Variants in RSF1 observed in about 807,000 individuals in gnomAD.
RSF1 encodes HBV pX-associated protein 8.
In RSF1, 13 loss-of-function variants were observed where a neutral mutation model predicts 145.2. The observed-to-expected ratio is 0.09, with a 90% confidence interval of 0.06 to 0.14. RSF1 has a LOEUF of 0.14. Ranked by LOEUF, RSF1 falls within the 10% of genes least tolerant of loss-of-function variation. The pLI is 1.00. For synonymous variants in RSF1, 577 were observed against 592.6 expected (o/e 0.97, Z 0.38); for missense variants, 1,517 against 1,718.2 (o/e 0.88, Z 2.07).
At chr11:77,761,080 G>A (rs568755932) in intron 2 of RSF1, among the ~76,000 whole-genome samples, 1 of 152,112 alleles carries the variant, frequency 6.6e-6, no homozygotes, top group Non-Finnish European at 1.5e-5. Flanking sequence ...GAGTAGCTGG[G>A]CGCTTGCCAC....
At position 77,788,265 on chromosome 11, in the gene RSF1, C is replaced by CA. The variant is rs1253118763; in HGVS notation, c.188-23577dup. 2.1e-4 allele frequency among the ~76,000 whole-genome samples: 20 copies of CA among 96,550 alleles called. 1 individual carries two copies. Among genetic ancestry groups the CA allele is most frequent in the South Asian group, 1.4e-3 (4 of 2,946 alleles). The allele number at this position is 96,550 out of a possible 152,430, so 63.3% of individuals were successfully genotyped here. A position where few individuals can be genotyped will look rare whatever the true frequency, so the allele number is the denominator to read the frequency against. ...CCCAAAGTGAGAAAAACAAAAACAA[C>CA]AAAAAAAATCAAACCTGACCCAGAA... On this transcript the variant is annotated intron_variant, in intron 1 of 15. Transcript: ENST00000308488.
chr11:77,868,696 T>C, the RSF1 span: 1 of 195,988 alleles, frequency 5.1e-6, no homozygotes. Context: ...GTTGTTGTTG[T>C]TGTTTTTTAA....
chr11:77,798,581 TAAAAAAAAAAAAAAAAAA>T (rs543236647), intron 1 of RSF1, among the ~76,000 whole-genome samples: 107 of 24,486 alleles, frequency 4.4e-3, no homozygotes, highest in South Asian at 8.2e-3. Context: ...GACTCCATCT[TAAAAAAAAAAAAAAAAAA>T]AAAAAAAAAA....
At chr11:77,723,400 C>T (rs1231677482) in intron 5 of RSF1, among the ~76,000 whole-genome samples, 1 of 151,552 alleles carries the variant, frequency 6.6e-6, no homozygotes, top group African/African-American at 2.4e-5. Flanking sequence ...GAGTTCTAAG[C>T]TGCAGTGAGC....
intron 1 of RSF1, among the ~76,000 whole-genome samples, chr11:77,818,963 A>G (rs1948808038): frequency 6.6e-6 from 1 of 152,208 alleles, no homozygotes; most frequent in African/African-American, 2.4e-5. Context: ...TGTTACAGGT[A>G]GAGGGAATGT....
intron 4 of RSF1, among the ~76,000 whole-genome samples, chr11:77,736,961 A>G (rs1274502616): frequency 6.6e-6 from 1 of 152,218 alleles, no homozygotes; most frequent in East Asian, 1.9e-4. Flanking sequence ...GCTGTTTAAA[A>G]ATTGAATTTC....
chr11:77,716,750 T>G (rs1243783392), intron 5 of RSF1, among the ~76,000 whole-genome samples: 1 of 152,224 alleles, frequency 6.6e-6, no homozygotes, highest in East Asian at 1.9e-4. Context: ...ACAGGAGACT[T>G]TAAGTGCTCT....
chr11:77,676,948 T>G lies in RSF1; in HGVS notation c.3185A>C (p.Asp1062Ala). 1 of 1,614,174 alleles carries G rather than the reference T, an allele frequency of 6.2e-7. No homozygotes were observed. The highest frequency in any genetic ancestry group is 8.5e-7 in the Non-Finnish European group (1 of 1,180,016). The change falls in exon 13 of 16, where the codon GAC (aspartate) becomes GCC (alanine). Residue 1062 changes from aspartate (D) to alanine (A), a missense_variant. Transcript: ENST00000308488. ...ISTITGHRGK[D>A]ISTILDEERK... Reference sequence around the variant, plus strand: ...TTCTTCATCCAAAATAGTAGAGATGTCTTTCCCACGATGACCTGTGATGGT... The same window carrying G: ...TTCTTCATCCAAAATAGTAGAGATGGCTTTCCCACGATGACCTGTGATGGT...
intron 1 of RSF1, among the ~76,000 whole-genome samples, chr11:77,770,714 C>T (rs1433608346): frequency 6.6e-6 from 1 of 152,104 alleles, no homozygotes; most frequent in Non-Finnish European, 1.5e-5. Context: ...TATCTGCTAC[C>T]AAGAAAGTAA....
intron 2 of RSF1, among the ~76,000 whole-genome samples, chr11:77,760,408 G>A (rs895663930): frequency 6.6e-6 from 1 of 152,192 alleles, no homozygotes; most frequent in Non-Finnish European, 1.5e-5. Context: ...CAGGGGAAAA[G>A]GTGGGTGTGA....
At chr11:77,827,566 A>T in the RSF1 span, among the ~76,000 whole-genome samples, 1 of 152,366 alleles carries the variant, frequency 6.6e-6, no homozygotes, top group Non-Finnish European at 1.5e-5. Context: ...AACTCATTTG[A>T]CAAAATTCAA....
At chr11:77,746,344 C>T (rs1386194645) in intron 3 of RSF1, among the ~76,000 whole-genome samples, 1 of 152,070 alleles carries the variant, frequency 6.6e-6, no homozygotes, top group Non-Finnish European at 1.5e-5. Context: ...CAAAATAACA[C>T]CTACTCTATA....
At position 77,672,185 on chromosome 11, in the gene RSF1, C is replaced by T. The variant is rs751215224; in HGVS notation, c.3608G>A (p.Arg1203Gln). The stretch of plus-strand genomic sequence containing the variant: ...CTGATTTCTCCTTGACCGCCTTCGC[C>T]GAGTTTCTACAAAATCATCACTAAA... ...DDFSDDFVET[R>Q]RRRSRRNQKR... Residue 1203 changes from arginine to glutamine, a missense_variant, in exon 15 of 16, where the codon CGG becomes CAG. By Grantham distance (43) the Arg-to-Gln change is conservative. Transcript: ENST00000308488. 14 of 1,610,488 alleles carry T rather than the reference C, an allele frequency of 8.7e-6. No individual in the cohort carries two copies. The highest frequency in any genetic ancestry group is 5.6e-5 in the South Asian group (5 of 89,866).
the RSF1 span, among the ~76,000 whole-genome samples, chr11:77,857,808 T>C: frequency 1.1e-4 from 17 of 151,310 alleles, no homozygotes; most frequent in African/African-American, 3.6e-4. Context: ...GTGATTCTCC[T>C]GCCTCAGCCT....
intron 4 of RSF1, among the ~76,000 whole-genome samples, chr11:77,736,680 A>G (rs1336477449): frequency 6.6e-6 from 1 of 152,236 alleles, no homozygotes; most frequent in African/African-American, 2.4e-5. Flanking sequence ...GTCATAGAAC[A>G]TCTCACTTAT....
At chr11:77,800,523 C>G (rs1420911367) in intron 1 of RSF1, among the ~76,000 whole-genome samples, 1 of 152,024 alleles carries the variant, frequency 6.6e-6, no homozygotes, top group East Asian at 1.9e-4. Flanking sequence ...GTATTTTCCA[C>G]AAAGAAAGCC....
intron 1 of RSF1, among the ~76,000 whole-genome samples, chr11:77,765,323 A>C (rs758182209): frequency 9.2e-5 from 14 of 152,176 alleles, no homozygotes; most frequent in Non-Finnish European, 1.3e-4. Context: ...ACAGTTTCCA[A>C]ACTGTTTTGG....
At chr11:77,738,705 G>A (rs969669311) in intron 4 of RSF1, 10 of 151,884 alleles carry the variant, frequency 6.6e-5, no homozygotes, top group Admixed American at 4.6e-4. Context: ...TTTGGAGACG[G>A]AGCCTCGCTG....
rs982910562 is a variant in RSF1 at position 77,665,414 on chromosome 11, G to C, written c.*1503C>G. On this transcript the variant is annotated 3_prime_UTR_variant, in exon 16 of 16. Transcript: ENST00000308488. ...GGTTGAAGGTTTCAGGATTTAACAG[G>C]CTAGGTTTAATCACAAGTGCTACAC... 4.6e-5 allele frequency: 7 copies of C among 152,152 alleles called. No individual in the cohort carries two copies. The highest frequency in any genetic ancestry group is 4.6e-4 in the Admixed American group (7 of 15,250). The allele number at this position is 152,152 out of a possible 1,614,324, so 9.4% of individuals were successfully genotyped here. A position where few individuals can be genotyped will look rare whatever the true frequency, so the allele number is the denominator to read the frequency against.
Sources: gnomAD v4.1 joint callset for allele counts (sites outside exome capture counted in the v4.1 genomes callset) on GRCh38, gnomAD v4.1.1 for gene constraint, MANE v1.5 for transcripts, NCBI Gene and HGNC (gene_info 2026-07-23, HGNC 2026-07-21) for gene names.